STARD9: variants seen among roughly 807,000 people sequenced by gnomAD.
STARD9 encodes the protein stAR-related lipid transfer protein 9.
Under a neutral mutation model 399.8 loss-of-function variants are expected in STARD9, and 346 were observed. That is an observed-to-expected ratio of 0.87 (90% CI 0.79 to 0.95). STARD9 has a LOEUF of 0.95. Ranked by LOEUF, STARD9 falls within the 40% of genes least tolerant of loss-of-function variation. The pLI is 0.00. For missense variants in STARD9, 5,832 were observed against 5,667.5 expected, an observed-to-expected ratio of 1.03 and a Z score of -0.93; for synonymous variants, 2,203 against 2,143.5, an observed-to-expected ratio of 1.03 and a Z score of -0.77.
chr15:42,602,954 T>G (rs1156569064), intron 3 of STARD9, among the ~76,000 whole-genome samples: 3 of 152,214 alleles, frequency 2.0e-5, no homozygotes, highest in African/African-American at 7.2e-5. Flanking sequence ...TTAGGTTCCC[T>G]GCCTCTAGAC....
intron 3 of STARD9, among the ~76,000 whole-genome samples, chr15:42,597,600 G>C (rs143222805): frequency 0.046 from 6,984 of 151,972 alleles, 258 homozygotes; most frequent in Non-Finnish European, 0.071. Flanking sequence ...ACAGTGGCAC[G>C]ATCTCGGCTC....
chr15:42,674,917 G>T lies in STARD9; in HGVS notation c.1640G>T (p.Cys547Phe). The T allele has an allele frequency of 6.5e-7, 1 of 1,537,026 alleles. No homozygotes were observed. Among genetic ancestry groups the T allele is most frequent in the East Asian group, 2.4e-5 (1 of 40,910 alleles). Residue 547 changes from cysteine (C) to phenylalanine (F), a missense_variant, in exon 18 of 33, where the codon TGT becomes TTT. Cys to Phe is a radical substitution (Grantham distance 205). Transcript: ENST00000290607. ...CTACGACCTGCCCGTGGGGCCCGCT[G>T]TACAGTCAATGGCCGGGAGGTCACT... Reference protein sequence around the residue: ...VVLRPARGARCTVNGREVTAS... With the variant: ...VVLRPARGARFTVNGREVTAS...
chr15:42,683,272 A>T (rs2060474442), intron 22 of STARD9, among the ~76,000 whole-genome samples: 1 of 152,186 alleles, frequency 6.6e-6, no homozygotes, highest in African/African-American at 2.4e-5. Context: ...TGGGCTTTTT[A>T]AAAAAACTTT....
At chr15:42,621,812 G>A (rs2059098997) in intron 3 of STARD9, among the ~76,000 whole-genome samples, 1 of 152,152 alleles carries the variant, frequency 6.6e-6, no homozygotes, top group African/African-American at 2.4e-5. Context: ...TTTTGTTCCT[G>A]TTAGTGGAAA....
chr15:42,581,546 T>C, intron 1 of STARD9: 1 of 1,177,070 alleles, frequency 8.5e-7, no homozygotes, highest in Non-Finnish European at 1.2e-6. Context: ...GCCGGGCCGG[T>C]CTGCTCCAGC....
intron 11 of STARD9, 109 bp downstream of exon 11, chr15:42,663,000 T>G: frequency 1.1e-6 from 1 of 883,404 alleles, no homozygotes; most frequent in Non-Finnish European, 1.8e-6. Context: ...AAGGTTACCT[T>G]CTGGTTTGGG....
chr15:42,650,989 CT>C, intron 7 of STARD9, 26 bp from the exon 8 acceptor site: 3 of 1,457,390 alleles, frequency 2.1e-6, no homozygotes, highest in South Asian at 1.3e-5. Flanking sequence ...CATTTAATTT[CT>C]TTTTTCCGTT....
chr15:42,659,534 T>C (rs2059951840), intron 9 of STARD9, among the ~76,000 whole-genome samples: 1 of 152,164 alleles, frequency 6.6e-6, no homozygotes, highest in Non-Finnish European at 1.5e-5. Context: ...TGTTTTTGTT[T>C]TGTTTGTTTG....
At chr15:42,666,605 G>A (rs987441901) in intron 15 of STARD9, among the ~76,000 whole-genome samples, 2 of 152,170 alleles carry the variant, frequency 1.3e-5, no homozygotes, top group Non-Finnish European at 2.9e-5. Context: ...GTGTAAACAG[G>A]ATTAATAGCT....
intron 26 of STARD9, among the ~76,000 whole-genome samples, chr15:42,714,187 C>T (rs12903762): frequency 2.6e-5 from 4 of 151,320 alleles, no homozygotes; most frequent in African/African-American, 9.7e-5. Flanking sequence ...CTCAGCCTCC[C>T]GAGTAGCTGG....
intron 3 of STARD9, among the ~76,000 whole-genome samples, chr15:42,617,262 TTAATA>T (rs2058983305): frequency 1.3e-5 from 2 of 152,236 alleles, no homozygotes; most frequent in African/African-American, 4.8e-5. Context: ...CATATTTTGA[TTAATA>T]TAGGATTTCA....
intron 28 of STARD9, among the ~76,000 whole-genome samples, chr15:42,717,476 G>C (rs951324687): frequency 6.6e-6 from 1 of 151,818 alleles, no homozygotes; most frequent in African/African-American, 2.4e-5. Context: ...AATAAAAAAA[G>C]ATAGCTGGGT....
In STARD9 at chr15:42,626,254, C is replaced by T. The variant is rs1297749333; in HGVS notation, c.235-8602C>T. Among the ~76,000 whole-genome samples the T allele has an allele frequency of 2.0e-5, 3 of 151,836 alleles. No individual in the cohort carries two copies. The East Asian group carries it at 5.8e-4, about 30-fold the overall frequency. ...TTTAATTCTTCTTCTTCTTCTTCCT[C>T]TTCCTCTTCCTCTTCCTCCTCCTCT... is the stretch of plus-strand genomic sequence containing the variant. On this transcript the variant is annotated intron_variant, in intron 3 of 32. Transcript: ENST00000290607.
Position 42,675,674 on chromosome 15 carries a change from A to G in STARD9, c.1698A>G (p.Ile566Met). 6.5e-7 allele frequency: 1 copy of G among 1,536,986 alleles called. No homozygotes were observed. Among genetic ancestry groups the G allele is most frequent in the Non-Finnish European group, 8.7e-7 (1 of 1,146,708 alleles). Residue 566 changes from isoleucine to methionine, a missense_variant, in exon 19 of 33, where the codon ATA (isoleucine) becomes ATG (methionine). By Grantham distance (10) the Ile-to-Met change is conservative. This residue lies in a region of STARD9 where 5,828 missense variants were observed against 5,651.1 expected (regional missense o/e 1.03). Coordinates refer to ENST00000290607, the MANE Select transcript of STARD9 (RefSeq NM_020759.3). Reference protein sequence around the residue: ...ASCRLTQGAVITLGKAQKFRF... With the variant: ...ASCRLTQGAVMTLGKAQKFRF... Reference sequence around the variant, plus strand: ...GTCTCTGTGCTGCAGGAGCTGTCATAACCCTGGGGAAGGCACAGAAGTTCC... The same window carrying G: ...GTCTCTGTGCTGCAGGAGCTGTCATGACCCTGGGGAAGGCACAGAAGTTCC...
chr15:42,692,929 A>G lies in STARD9; in HGVS notation c.11351A>G (p.Lys3784Arg). 1 of 1,537,254 alleles carries G rather than the reference A, an allele frequency of 6.5e-7. No individual in the cohort carries two copies. Among genetic ancestry groups the G allele is most frequent in the Non-Finnish European group, 8.7e-7 (1 of 1,146,914 alleles). Residue 3784 changes from lysine to arginine, a missense_variant, in exon 23 of 33, where the codon AAG (lysine) becomes AGG (arginine). By Grantham distance (26) the Lys-to-Arg change is conservative. Around this residue, in one of 2 missense-constraint regions of STARD9, gnomAD observed 5,828 missense variants for 5,651.1 expected, o/e 1.03. Coordinates refer to ENST00000290607, the MANE Select transcript of STARD9 (RefSeq NM_020759.3). ...GGAGATGTGCCAGGGGTACCTCAGA[A>G]GAGAGAGGCAGAGGAAACAGCACAG... ...EEGDVPGVPQ[K>R]REAEETAQKM...
intron 9 of STARD9, among the ~76,000 whole-genome samples, chr15:42,654,362 G>A (rs992076617): frequency 6.7e-6 from 1 of 149,942 alleles, no homozygotes; most frequent in Non-Finnish European, 1.5e-5. Flanking sequence ...TAGAATCACA[G>A]ACACAGGTTG....
chr15:42,606,757 C>A (rs1467467343), intron 3 of STARD9, among the ~76,000 whole-genome samples: 1 of 151,974 alleles, frequency 6.6e-6, no homozygotes, highest in African/African-American at 2.4e-5. Context: ...CCACTGCGCC[C>A]AGCCTATTTT....
At chr15:42,591,703 C>T (rs1295086603) in intron 3 of STARD9, among the ~76,000 whole-genome samples, 2 of 152,144 alleles carry the variant, frequency 1.3e-5, no homozygotes, top group Admixed American at 1.3e-4. Context: ...GTTAAAATTC[C>T]TTAGTGCTTT....
chr15:42,663,210 C>T (rs1263152703), intron 11 of STARD9, 71 bp from the exon 12 acceptor site: 71 of 1,334,828 alleles, frequency 5.3e-5, no homozygotes, highest in African/African-American at 7.3e-5. Flanking sequence ...TGTTCTCCAA[C>T]CATTGTTTTG....
Sources: allele counts gnomAD v4.1 joint callset (sites outside exome capture counted in the v4.1 genomes callset), GRCh38; gene constraint gnomAD v4.1.1; regional missense constraint gnomAD v4.1.1; transcripts MANE v1.5; gene names NCBI Gene and HGNC (gene_info 2026-07-23, HGNC 2026-07-21).